Variants in APP observed in about 807,000 individuals in gnomAD.
APP encodes the protein amyloid-beta precursor protein.
Under a neutral mutation model 101.4 loss-of-function variants are expected in APP, and 31 were observed. That is an observed-to-expected ratio of 0.31 (90% CI 0.23 to 0.41). APP has a LOEUF of 0.41. Ranked by LOEUF, APP falls within the 10% of genes least tolerant of loss-of-function variation. The pLI, the probability that APP is intolerant of heterozygous loss-of-function variation, is 1.00. For synonymous variants in APP, 366 were observed against 364.4 expected, an observed-to-expected ratio of 1.00 and a Z score of -0.05; for missense variants, 839 against 1,003.7, an observed-to-expected ratio of 0.84 and a Z score of 2.22.
At chr21:26,150,132 C>T (rs961792106) in intron 1 of APP, among the ~76,000 whole-genome samples, 9 of 151,948 alleles carry the variant, frequency 5.9e-5, no homozygotes, top group South Asian at 2.1e-4. Context: ...AAAGCAAAAA[C>T]CCAAAAGAAG....
At chr21:26,043,023 T>G (rs1184368425) in intron 5 of APP, among the ~76,000 whole-genome samples, 1 of 152,188 alleles carries the variant, frequency 6.6e-6, no homozygotes, top group Non-Finnish European at 1.5e-5. Context: ...TACCTCTGCA[T>G]GCTCAGATAC....
intron 13 of APP, among the ~76,000 whole-genome samples, chr21:25,941,149 G>A (rs2040560217): frequency 6.6e-6 from 1 of 152,196 alleles, no homozygotes; most frequent in African/African-American, 2.4e-5. Flanking sequence ...AGTAATGTTA[G>A]ACACATGTAA....
chr21:25,995,494 G>A (rs894447110), intron 8 of APP, among the ~76,000 whole-genome samples: 2 of 152,144 alleles, frequency 1.3e-5, no homozygotes, highest in Non-Finnish European at 2.9e-5. Context: ...TGCCATGTTC[G>A]ATGGCTTGGG....
At chr21:26,063,774 T>G (rs984327526) in intron 3 of APP, among the ~76,000 whole-genome samples, 2 of 152,148 alleles carry the variant, frequency 1.3e-5, no homozygotes, top group Non-Finnish European at 2.9e-5. Flanking sequence ...CTCAAGAAAA[T>G]GAAGCATAAT....
chr21:26,015,371 T>C (rs2044006513), intron 6 of APP, among the ~76,000 whole-genome samples: 1 of 152,168 alleles, frequency 6.6e-6, no homozygotes, highest in South Asian at 2.1e-4. Context: ...CCTCACAAAA[T>C]AGTTAAATAT....
At chr21:25,889,846 CAAA>C (rs1313527523) in intron 17 of APP, among the ~76,000 whole-genome samples, 1 of 151,168 alleles carries the variant, frequency 6.6e-6, no homozygotes, top group African/African-American at 2.4e-5. Context: ...GACTCCATCT[CAAA>C]AAACAAAGAA....
intron 1 of APP, among the ~76,000 whole-genome samples, chr21:26,127,938 A>G (rs562728610): frequency 1.3e-5 from 2 of 152,344 alleles, no homozygotes; most frequent in South Asian, 4.1e-4. Flanking sequence ...ACTGATGAAT[A>G]CACAGCATTT....
At chr21:25,890,080 C>T (rs556183677) in intron 17 of APP, among the ~76,000 whole-genome samples, 7 of 152,196 alleles carry the variant, frequency 4.6e-5, no homozygotes, top group Non-Finnish European at 1.0e-4. Context: ...GATACTATCA[C>T]AAAAGGTGCA....
At chr21:26,088,755 C>T (rs1237838836) in intron 3 of APP, among the ~76,000 whole-genome samples, 1 of 152,022 alleles carries the variant, frequency 6.6e-6, no homozygotes, top group African/African-American at 2.4e-5. Context: ...AGAGTTGAGG[C>T]CTTATAAAGC....
At chr21:26,064,311 TATAAG>T (rs1407276439) in intron 3 of APP, among the ~76,000 whole-genome samples, 1 of 152,220 alleles carries the variant, frequency 6.6e-6, no homozygotes, top group African/African-American at 2.4e-5. Flanking sequence ...ACCATATTAA[TATAAG>T]ATGTTAACAA....
At chr21:25,905,860 T>C (rs774356368) in intron 14 of APP, among the ~76,000 whole-genome samples, 5 of 152,234 alleles carry the variant, frequency 3.3e-5, no homozygotes, top group Admixed American at 6.5e-5. Context: ...CAGAAAATAC[T>C]TCCTTGTTTT....
chr21:25,920,129 G>C (rs1400092671), intron 13 of APP, among the ~76,000 whole-genome samples: 1 of 142,274 alleles, frequency 7.0e-6, no homozygotes, highest in African/African-American at 2.7e-5. Flanking sequence ...GCCAAACTAA[G>C]CTTCATAAGT....
chr21:26,148,276 T>C (rs2063193674), intron 1 of APP, among the ~76,000 whole-genome samples: 1 of 152,194 alleles, frequency 6.6e-6, no homozygotes, highest in African/African-American at 2.4e-5. Flanking sequence ...TGCAGCTACC[T>C]CCAGCTGGTC....
intron 1 of APP, among the ~76,000 whole-genome samples, chr21:26,166,658 T>G (rs940872381): frequency 3.3e-5 from 5 of 150,734 alleles, no homozygotes; most frequent in Admixed American, 3.3e-4. Flanking sequence ...CAGAGAGAGG[T>G]TGAAAACCAC....
intron 4 of APP, among the ~76,000 whole-genome samples, chr21:26,052,738 T>C (rs535977455): frequency 1.3e-5 from 2 of 152,332 alleles, no homozygotes; most frequent in African/African-American, 4.8e-5. Flanking sequence ...ACTTCACTGT[T>C]CTACCACTGT....
At chr21:26,078,184 T>A (rs1437486106) in intron 3 of APP, among the ~76,000 whole-genome samples, 1 of 152,176 alleles carries the variant, frequency 6.6e-6, no homozygotes. Flanking sequence ...AAAAATATAA[T>A]ACGTGAGAAA....
At chr21:26,056,043 T>C (rs2046027847) in intron 3 of APP, among the ~76,000 whole-genome samples, 1 of 152,134 alleles carries the variant, frequency 6.6e-6, no homozygotes, top group South Asian at 2.1e-4. Flanking sequence ...AATCTTTTTG[T>C]TTGTTTGTTT....
At chr21:26,046,198 G>C (rs1280385422) in intron 5 of APP, among the ~76,000 whole-genome samples, 1 of 151,526 alleles carries the variant, frequency 6.6e-6, no homozygotes, top group Non-Finnish European at 1.5e-5. Context: ...CCCCAAACCA[G>C]AGAGTAACAT....
chr21:26,162,109 T>C (rs1247982487), intron 1 of APP, among the ~76,000 whole-genome samples: 1 of 152,192 alleles, frequency 6.6e-6, no homozygotes. Flanking sequence ...GGAGGATCGC[T>C]TGAGCCCAGG....
Sources: gnomAD v4.1 joint callset for allele counts (sites outside exome capture counted in the v4.1 genomes callset) on GRCh38, gnomAD v4.1.1 for gene constraint, MANE v1.5 for transcripts, NCBI Gene and HGNC (gene_info 2026-07-23, HGNC 2026-07-21) for gene names.